Variants in ZC3H12B observed in about 807,000 individuals in gnomAD.
ZC3H12B encodes zinc finger CCCH-type containing 12B.
In ZC3H12B, 7 loss-of-function variants were observed where a neutral mutation model predicts 43.9. The observed-to-expected ratio is 0.16, with a 90% CI of 0.09 to 0.30. The LOEUF (loss-of-function observed/expected upper bound fraction) is 0.30, where lower values mean the gene tolerates loss of function less well. Ranked by LOEUF, ZC3H12B falls within the 10% of genes least tolerant of loss-of-function variation. ZC3H12B has a pLI of 1.00. For synonymous variants in ZC3H12B, 222 were observed against 241.7 expected (o/e 0.92, Z 0.76); for missense variants, 475 against 670.2 (o/e 0.71, Z 3.22).
At chrX:65,391,033 T>C (rs2066609032) in intron 2 of ZC3H12B, among the ~76,000 whole-genome samples, 1 of 112,024 alleles carries the variant, frequency 8.9e-6, no homozygotes, top group Admixed American at 9.5e-5. Context: ...ATTTAGTTAA[T>C]GGCAAGAACA....
the ZC3H12B span, among the ~76,000 whole-genome samples, chrX:65,105,795 A>T: frequency 9.0e-6 from 1 of 110,999 alleles, no homozygotes; most frequent in Admixed American, 9.6e-5. Context: ...GTGATAGGGA[A>T]GCATTTTATG....
At chrX:65,341,352 G>T in the ZC3H12B span, among the ~76,000 whole-genome samples, 1 of 111,715 alleles carries the variant, frequency 9.0e-6, no homozygotes. Context: ...TTAAAGAAAT[G>T]TAGAAAACCC....
At chrX:65,388,183 G>A (rs1168329717) in intron 2 of ZC3H12B, among the ~76,000 whole-genome samples, 1 of 111,410 alleles carries the variant, frequency 9.0e-6, no homozygotes, top group Non-Finnish European at 1.9e-5. Context: ...TTTGAATGTT[G>A]GCCTGCCTTG....
chrX:65,500,423 T>TTTTG (rs953601277), intron 4 of ZC3H12B, among the ~76,000 whole-genome samples: 3 of 112,195 alleles, frequency 2.7e-5, no homozygotes, highest in East Asian at 2.8e-4. Flanking sequence ...TTTCCAGTTT[T>TTTTG]TTTGTTTGTT....
chrX:65,378,814 A>G (rs1738910077), intron 2 of ZC3H12B, among the ~76,000 whole-genome samples: 1 of 112,713 alleles, frequency 8.9e-6, no homozygotes, highest in Admixed American at 9.3e-5. Flanking sequence ...GGGGTCAGGG[A>G]GTTCCCTTTC....
At chrX:65,380,940 C>G (rs1448829787) in intron 2 of ZC3H12B, among the ~76,000 whole-genome samples, 1 of 111,352 alleles carries the variant, frequency 9.0e-6, no homozygotes, top group East Asian at 2.8e-4. Flanking sequence ...ACAGGAGCAC[C>G]CAGATTCATA....
intron 3 of ZC3H12B, among the ~76,000 whole-genome samples, chrX:65,461,939 G>A (rs1196148832): frequency 2.7e-5 from 3 of 109,244 alleles, no homozygotes; most frequent in Non-Finnish European, 5.7e-5. Flanking sequence ...AAAAATCTTA[G>A]TCATATAACC....
chrX:65,249,470 A>T, the ZC3H12B span, among the ~76,000 whole-genome samples: 1 of 112,172 alleles, frequency 8.9e-6, no homozygotes, highest in African/African-American at 3.2e-5. Flanking sequence ...GCCTTATAGT[A>T]TACTTTGAAA....
the ZC3H12B span, among the ~76,000 whole-genome samples, chrX:65,206,588 G>A: frequency 0.24 from 26,779 of 111,045 alleles, 7,702 homozygotes; most frequent in African/African-American, 0.83. Flanking sequence ...AAATCCTTCT[G>A]GACATTGGCT....
chrX:65,128,111 T>C, the ZC3H12B span, among the ~76,000 whole-genome samples: 1 of 112,209 alleles, frequency 8.9e-6, no homozygotes, highest in Non-Finnish European at 1.9e-5. Flanking sequence ...AGTCTCCACA[T>C]GCTGCTTTGT....
chrX:65,399,842 C>T (rs1347711882), intron 3 of ZC3H12B, among the ~76,000 whole-genome samples: 4 of 112,166 alleles, frequency 3.6e-5, no homozygotes, highest in Non-Finnish European at 7.5e-5. Flanking sequence ...GAGTACTACT[C>T]AGTCATAAAA....
chrX:65,483,993 A>T (rs1265381987), upstream of ZC3H12B, among the ~76,000 whole-genome samples: 1 of 112,013 alleles, frequency 8.9e-6, no homozygotes, highest in Non-Finnish European at 1.9e-5. Flanking sequence ...TTCTTTATCC[A>T]GTCTATCACT....
the ZC3H12B span, among the ~76,000 whole-genome samples, chrX:65,323,706 C>T: frequency 1.8e-5 from 2 of 111,784 alleles, no homozygotes; most frequent in Non-Finnish European, 3.8e-5. Flanking sequence ...TGGGTATATA[C>T]CCAGTAATGG....
At chrX:65,321,717 A>G in the ZC3H12B span, among the ~76,000 whole-genome samples, 1 of 110,644 alleles carries the variant, frequency 9.0e-6, no homozygotes, top group African/African-American at 3.3e-5. Context: ...CAGCCGTAGA[A>G]GAGAGTGAGA....
At chrX:65,309,586 A>T in the ZC3H12B span, among the ~76,000 whole-genome samples, 18 of 112,144 alleles carry the variant, frequency 1.6e-4, no homozygotes, top group Admixed American at 1.6e-3. Flanking sequence ...AGCTGGTACC[A>T]TTCCTTCTGA....
chrX:65,181,202 G>T, the ZC3H12B span, among the ~76,000 whole-genome samples: 1 of 111,850 alleles, frequency 8.9e-6, no homozygotes, highest in African/African-American at 3.2e-5. Context: ...CTAGCTATAT[G>T]CAGAAAACTG....
chrX:65,177,916 T>A, the ZC3H12B span, among the ~76,000 whole-genome samples: 1 of 110,308 alleles, frequency 9.1e-6, no homozygotes, highest in Non-Finnish European at 1.9e-5. Context: ...CAGAAAAAAC[T>A]AAGTTTTATA....
chrX:65,059,562 C>G, the ZC3H12B span, among the ~76,000 whole-genome samples: 1 of 111,024 alleles, frequency 9.0e-6, no homozygotes, highest in East Asian at 2.9e-4. Context: ...GTTCTCTATT[C>G]TGTTCCATTG....
chrX:65,387,537 T>C (rs754989951), intron 2 of ZC3H12B, among the ~76,000 whole-genome samples: 1 of 112,191 alleles, frequency 8.9e-6, no homozygotes, highest in Non-Finnish European at 1.9e-5. Context: ...TGTGTGTCTG[T>C]GCATGTGAGA....
Sources: allele counts gnomAD v4.1 joint callset (sites outside exome capture counted in the v4.1 genomes callset), GRCh38; gene constraint gnomAD v4.1.1; transcripts MANE v1.5; gene names NCBI Gene and HGNC (gene_info 2026-07-23, HGNC 2026-07-21).